The following RGS22 variants were observed in gnomAD, a reference collection of about 807,000 sequenced individuals.
The protein encoded by RGS22 is regulator of G protein signaling 22, also known as regulator of G-protein signaling 22.
RGS22 carries 148 observed loss-of-function variants against 172.9 expected under a neutral mutation model. The ratio of observed to expected loss-of-function variants is 0.86; its 90% confidence interval spans 0.75 to 0.98. The LOEUF is 0.98. Among genes scored for constraint, RGS22 ranks in the 50% least tolerant of loss-of-function variants. RGS22 has a pLI of 0.00. For missense variants in RGS22, 1,347 were observed against 1,440.8 expected, an observed-to-expected ratio of 0.93 and a Z score of 1.05; for synonymous variants, 458 against 480.2, an observed-to-expected ratio of 0.95 and a Z score of 0.60.
intron 6 of RGS22, 75 bp downstream of exon 6, chr8:100,071,294 A>G (rs914394083): frequency 1.0e-5 from 13 of 1,292,454 alleles, no homozygotes; most frequent in African/African-American, 3.1e-5. Flanking sequence ...CTCAAAAAAT[A>G]TATGTATAAA....
chr8:100,002,240 C>A lies in RGS22; in HGVS notation c.2752G>T (p.Gly918Ter), dbSNP rs1815167343. The A allele has an allele frequency of 6.2e-7, 1 of 1,605,820 alleles. No homozygotes were observed. Among genetic ancestry groups the A allele is most frequent in the Non-Finnish European group, 8.5e-7 (1 of 1,176,908 alleles). The change falls in exon 18 of 28, where the codon GGA becomes TGA. Residue 918 changes from glycine (G) to a stop codon, truncating the protein, a stop_gained. Transcript: ENST00000360863. LOFTEE classifies it high-confidence loss of function. ...TACAGAGAAGCTGGACTGTTGGGTC[C>A]AAAGAAATATTTTTTATTAAGGTAT... ...NKYLNKKYFF[G>*]PNSPASLYQQ...
Position 99,967,257 on chromosome 8 carries a change from T to C in RGS22, c.3520-1827A>G, listed in dbSNP as rs543360621. Among the ~76,000 whole-genome samples the C allele has an allele frequency of 2.6e-5, 4 of 152,140 alleles. No individual in the cohort carries two copies. The South Asian group carries it at 8.3e-4, about 32-fold the overall frequency. On this transcript the variant is annotated intron_variant, in intron 23 of 27. Transcript: ENST00000360863. Reference sequence around the variant, plus strand: ...GCTAGGAGATTCCCTCGGGTGCCTATGCCACCAGTGCCCTGGGTTTCAAGC... The same window carrying C: ...GCTAGGAGATTCCCTCGGGTGCCTACGCCACCAGTGCCCTGGGTTTCAAGC...
chr8:100,105,586 G>T (rs1586317959), intron 1 of RGS22, 184 bp from the exon 2 acceptor site: 3 of 621,416 alleles, frequency 4.8e-6, no homozygotes, highest in East Asian at 2.8e-5. Flanking sequence ...GAAGTGGGAA[G>T]GAAAGGCCTC....
At chr8:100,053,671 T>G (rs888300609) in intron 9 of RGS22, among the ~76,000 whole-genome samples, 1 of 152,184 alleles carries the variant, frequency 6.6e-6, no homozygotes, top group Non-Finnish European at 1.5e-5. Context: ...AGTCTTGCTC[T>G]GTCACCCAGG....
intron 23 of RGS22, among the ~76,000 whole-genome samples, chr8:99,970,523 G>T (rs1342824799): frequency 6.6e-6 from 1 of 152,046 alleles, no homozygotes; most frequent in African/African-American, 2.4e-5. Flanking sequence ...TCAAATAGAT[G>T]CAATTAAAAA....
Position 100,019,430 on chromosome 8 carries a change from ATGT to A in RGS22, c.2167-10864_2167-10862del, listed in dbSNP as rs531512249. ...ATTGCCTGGTAACACTGATTACCTG[ATGT>A]TCTGCTGTCACCACCAGGCCAGGAC... On this transcript the variant is annotated intron_variant, in intron 14 of 27. Transcript: ENST00000360863. Among the ~76,000 whole-genome samples, 8 of 152,348 alleles carry A rather than the reference ATGT, an allele frequency of 5.3e-5. No homozygotes were observed. In the South Asian group the frequency reaches 1.7e-3, roughly 32 times the overall value.
chr8:100,056,764 C>T (rs561466010), intron 9 of RGS22, among the ~76,000 whole-genome samples: 7 of 152,304 alleles, frequency 4.6e-5, no homozygotes, highest in South Asian at 2.1e-4. Context: ...GATGTCCAGA[C>T]AGAAGTTTGC....
intron 15 of RGS22, among the ~76,000 whole-genome samples, chr8:100,006,313 T>C (rs1815707687): frequency 6.6e-6 from 1 of 152,232 alleles, no homozygotes; most frequent in African/African-American, 2.4e-5. Context: ...TATGTAATGA[T>C]ATAGTGCCAC....
chr8:100,055,809 G>A (rs1295299606), intron 9 of RGS22, among the ~76,000 whole-genome samples: 1 of 152,118 alleles, frequency 6.6e-6, no homozygotes, highest in African/African-American at 2.4e-5. Context: ...GTGGAACTGT[G>A]AGTTCATTAA....
At chr8:100,021,078 T>G (rs1192198968) in intron 14 of RGS22, among the ~76,000 whole-genome samples, 1 of 152,206 alleles carries the variant, frequency 6.6e-6, no homozygotes, top group Non-Finnish European at 1.5e-5. Flanking sequence ...ATAAGGCAAA[T>G]ATACTTCTCT....
chr8:100,040,371 C>T (rs1051798619), intron 12 of RGS22, among the ~76,000 whole-genome samples: 3 of 152,196 alleles, frequency 2.0e-5, no homozygotes, highest in African/African-American at 7.2e-5. Context: ...TTTCATGTTT[C>T]AGGCAAAGTA....
chr8:100,076,083 ATTTTT>A (rs1278821057), intron 4 of RGS22, among the ~76,000 whole-genome samples: 2 of 151,908 alleles, frequency 1.3e-5, no homozygotes, highest in African/African-American at 2.4e-5. Context: ...TTGTCTTTTT[ATTTTT>A]GAGTTTTAAG....
chr8:100,002,219 G>C lies in RGS22; in HGVS notation c.2773C>G (p.Leu925Val). ...GTTGATACCTGGTTCTGCTGATACA[G>C]AGAAGCTGGACTGTTGGGTCCAAAG... ...YFFGPNSPAS[L>V]YQQNQVMHLS... Residue 925 changes from leucine to valine, a missense_variant, in exon 18 of 28, where the codon CTG becomes GTG. Physicochemically the swap from Leu to Val is conservative, Grantham distance 32. Coordinates refer to ENST00000360863, the MANE Select transcript of RGS22 (RefSeq NM_015668.5). 5 of 1,590,848 alleles carry C rather than the reference G, an allele frequency of 3.1e-6. No individual in the cohort carries two copies. Among genetic ancestry groups the C allele is most frequent in the Non-Finnish European group, 4.3e-6 (5 of 1,172,992 alleles).
intron 14 of RGS22, among the ~76,000 whole-genome samples, chr8:100,026,307 T>C (rs1316921839): frequency 1.3e-5 from 2 of 152,222 alleles, no homozygotes; most frequent in Non-Finnish European, 2.9e-5. Context: ...AGGATAACGA[T>C]AGCAATAAAT....
chr8:100,037,895 T>C (rs944219698), intron 14 of RGS22, among the ~76,000 whole-genome samples: 2 of 152,192 alleles, frequency 1.3e-5, no homozygotes, highest in Admixed American at 6.5e-5. Flanking sequence ...ATGGGCTATG[T>C]AGGGGCTGAA....
intron 6 of RGS22, among the ~76,000 whole-genome samples, chr8:100,068,099 G>C (rs1382091028): frequency 6.6e-6 from 1 of 152,138 alleles, no homozygotes; most frequent in East Asian, 1.9e-4. Flanking sequence ...GTAATATATA[G>C]TTAAAGCGGC....
chr8:100,004,071 T>C lies in RGS22; in HGVS notation c.2482A>G (p.Ile828Val). 1 of 1,601,714 alleles carries C rather than the reference T, an allele frequency of 6.2e-7. No homozygotes were observed. The highest frequency in any genetic ancestry group is 8.5e-7 in the Non-Finnish European group (1 of 1,173,472). Residue 828 changes from isoleucine (I) to valine (V), a missense_variant, in exon 17 of 28, where the codon ATT becomes GTT. Physicochemically the swap from Ile to Val is conservative, Grantham distance 29. Coordinates refer to ENST00000360863, the MANE Select transcript of RGS22 (RefSeq NM_015668.5). ...EDTTCEIGTGILSLSNVSKRT... is the reference protein window; with the variant it reads ...EDTTCEIGTGVLSLSNVSKRT... ...TTAGAGACGTTAGAGAGTGATAAAA[T>C]GCCAGTTCCAATTTCACAAGTGGTG...
At chr8:100,071,258 A>C in intron 6 of RGS22, 111 bp downstream of exon 6, 3 of 956,914 alleles carry the variant, frequency 3.1e-6, no homozygotes, top group Non-Finnish European at 4.4e-6. Flanking sequence ...ACTGCACTCC[A>C]GCCTGGTGAC....
At chr8:100,100,014 T>A (rs1241507910) in intron 2 of RGS22, among the ~76,000 whole-genome samples, 3 of 152,206 alleles carry the variant, frequency 2.0e-5, no homozygotes, top group Non-Finnish European at 2.9e-5. Flanking sequence ...AATTGCCAAG[T>A]AATTAGTCTT....
Sources: allele counts gnomAD v4.1 joint callset (sites outside exome capture counted in the v4.1 genomes callset), GRCh38; gene constraint gnomAD v4.1.1; transcripts MANE v1.5; gene names NCBI Gene and HGNC (gene_info 2026-07-23, HGNC 2026-07-21).